ADAR: variants seen among roughly 807,000 people sequenced by gnomAD.
ADAR encodes adenosine deaminase RNA specific.
ADAR carries 41 observed loss-of-function variants against 113.2 expected under a neutral mutation model. The ratio of observed to expected loss-of-function variants is 0.36; its 90% confidence interval spans 0.28 to 0.47. The LOEUF (loss-of-function observed/expected upper bound fraction) is 0.47. ADAR is among the 20% of genes least tolerant of loss of function. The pLI, the probability that ADAR is intolerant of heterozygous loss-of-function variation, is 1.00. For missense variants in ADAR, 1,242 were observed against 1,540.9 expected (o/e 0.81, Z 3.25); for synonymous variants, 605 against 572.6 (o/e 1.06, Z -0.81).
At chr1:154,609,553 TCCACGGC>T (rs1162072800), upstream of ADAR, among the ~76,000 whole-genome samples, 7 of 152,286 alleles carry the variant, frequency 4.6e-5, no homozygotes, top group African/African-American at 1.7e-4. Context: ...ATGCACCTCC[TCCACGGC>T]TTCCCGTGAA....
At chr1:154,626,204 A>G (rs1698933528) in intron 1 of ADAR, among the ~76,000 whole-genome samples, 2 of 134,542 alleles carry the variant, frequency 1.5e-5, no homozygotes, top group South Asian at 4.9e-4. Flanking sequence ...AACCTCCACC[A>G]CCTGGGTTTG....
rs398122892 is a variant in ADAR, at chr1:154,589,456, C to T, written c.2675G>A (p.Arg892His). ...GVVVSLGTGNRCVKGDSLSLK... is the reference protein window; with the variant it reads ...GVVVSLGTGNHCVKGDSLSLK... ...GCTGAGAGAATCTCCTTTCACACAG[C>T]GATTCCCTAGGAAGGTGTTTAAAAC... Residue 892 changes from arginine (R) to histidine (H), a missense_variant, in exon 9 of 15, where the codon CGC (arginine) becomes CAC (histidine). This residue lies in a region of ADAR where 780 missense variants were observed against 1,057.9 expected (regional missense o/e 0.74). Transcript: ENST00000368474. The T allele has an allele frequency of 2.5e-6, 4 of 1,612,092 alleles. No homozygotes were observed. Among genetic ancestry groups the T allele is most frequent in the African/African-American group, 1.3e-5 (1 of 74,944 alleles).
At position 154,585,745 on chromosome 1, in the gene ADAR, T is replaced by C; in HGVS notation, c.3315+8A>G. ...AATGTCAGGGAAAATAGAAGGGGGT[T>C]ATAGCACCTTGGGGTGGTTGACAAT... On this transcript the variant is annotated splice_region_variant and intron_variant, in intron 13 of 14. Coordinates refer to ENST00000368474, the MANE Select transcript of ADAR (RefSeq NM_001111.5). 1 of 1,606,822 alleles carries C rather than the reference T, an allele frequency of 6.2e-7. No individual in the cohort carries two copies. Among genetic ancestry groups the C allele is most frequent in the Non-Finnish European group, 8.5e-7 (1 of 1,173,388 alleles).
rs1225331098 is a variant in ADAR at position 154,583,316 on chromosome 1, C to A, written c.*1490G>T. The A allele has an allele frequency of 2.6e-5, 4 of 152,194 alleles. No individual in the cohort carries two copies. The highest frequency in any genetic ancestry group is 2.0e-4 in the Admixed American group (3 of 15,274). The allele number at this position is 152,194 out of a possible 1,614,324, so 9.4% of individuals were successfully genotyped here. ...CCCTGCTCTGCTCTTGGAGTCATGA[C>A]CAACACTCTAAAAGCCAACAAAGTC... is the stretch of plus-strand genomic sequence containing the variant. On this transcript the variant is annotated 3_prime_UTR_variant, in exon 15 of 15. Transcript: ENST00000368474.
intron 9 of ADAR, 132 bp from the exon 10 acceptor site, chr1:154,588,805 G>A: frequency 7.6e-7 from 1 of 1,311,400 alleles, no homozygotes; most frequent in Non-Finnish European, 1.1e-6. Flanking sequence ...TTATCAGGTG[G>A]AAATTCTCCA....
chr1:154,585,489 G>A, intron 13 of ADAR, 145 bp from the exon 14 acceptor site: 1 of 1,176,026 alleles, frequency 8.5e-7, no homozygotes, highest in South Asian at 1.3e-5. Context: ...CTAAGACTGA[G>A]CACCCTCTAG....
intron 6 of ADAR, among the ~76,000 whole-genome samples, chr1:154,596,328 C>T (rs1028274214): frequency 1.3e-4 from 18 of 143,690 alleles, no homozygotes; most frequent in Middle Eastern, 3.5e-3. Context: ...CTGCAACCTC[C>T]GCCTCCCAGC....
chr1:154,594,647 C>T (rs538851046), intron 6 of ADAR, among the ~76,000 whole-genome samples: 12 of 152,308 alleles, frequency 7.9e-5, no homozygotes, highest in Non-Finnish European at 1.6e-4. Context: ...TAATGTGTGA[C>T]CAGCTGCATG....
chr1:154,594,312 T>C (rs1181221175), intron 6 of ADAR, among the ~76,000 whole-genome samples: 1 of 152,184 alleles, frequency 6.6e-6, no homozygotes, highest in African/African-American at 2.4e-5. Flanking sequence ...GTTAAGAGTG[T>C]ACAATAAAAG....
At position 154,602,371 on chromosome 1, in the gene ADAR, T is replaced by C; in HGVS notation, c.271A>G (p.Arg91Gly). ...SSTRGRQVDI[R>G]GVPRGVHLRS... ...AGATGCACGCCCCTGGGGACACCCC[T>C]GATGTCCACTTGCCTGCCTCTGGTA... The change falls in exon 2 of 15, where the codon AGG (arginine) becomes GGG (glycine). Residue 91 changes from arginine to glycine, a missense_variant. Arg to Gly is a moderately radical substitution (Grantham distance 125). This residue lies in a region of ADAR where 462 missense variants were observed against 483.1 expected (regional missense o/e 0.96). Coordinates refer to ENST00000368474, the MANE Select transcript of ADAR (RefSeq NM_001111.5). The C allele has an allele frequency of 6.2e-7, 1 of 1,603,886 alleles. No individual in the cohort carries two copies. Among genetic ancestry groups the C allele is most frequent in the Non-Finnish European group, 8.5e-7 (1 of 1,174,174 alleles).
At chr1:154,625,414 T>G (rs1430865247) in intron 1 of ADAR, among the ~76,000 whole-genome samples, 1 of 152,250 alleles carries the variant, frequency 6.6e-6, no homozygotes, top group African/African-American at 2.4e-5. Context: ...GTTCCAGCTT[T>G]GCCGTTAATT....
intron 8 of ADAR, 64 bp downstream of exon 8, chr1:154,589,693 G>A (rs1391697604): frequency 5.0e-6 from 8 of 1,595,296 alleles, no homozygotes; most frequent in Admixed American, 1.7e-5. Flanking sequence ...GGACTCCAGG[G>A]GAGGATGAGA....
At chr1:154,596,712 G>C in intron 6 of ADAR, 93 bp downstream of exon 6, 1 of 1,474,612 alleles carries the variant, frequency 6.8e-7, no homozygotes, top group Non-Finnish European at 9.4e-7. Context: ...CGCCCCTTCT[G>C]TCCTACACAG....
chr1:154,605,282 C>T (rs1217475039), intron 1 of ADAR, among the ~76,000 whole-genome samples: 1 of 152,206 alleles, frequency 6.6e-6, no homozygotes, highest in Non-Finnish European at 1.5e-5. Context: ...CCTATCACAA[C>T]TCTGACCCTT....
At chr1:154,610,138 A>G (rs961777892), upstream of ADAR, among the ~76,000 whole-genome samples, 1 of 152,184 alleles carries the variant, frequency 6.6e-6, no homozygotes, top group Admixed American at 6.5e-5. Context: ...CATTCACCAG[A>G]CAGACAGCAT....
intron 6 of ADAR, 109 bp from the exon 7 acceptor site, chr1:154,590,518 G>A (rs768426410): frequency 1.8e-5 from 19 of 1,035,698 alleles, no homozygotes; most frequent in East Asian, 7.3e-5. Context: ...ATATGGACCC[G>A]TCAAACAGAA....
chr1:154,589,478 A>G lies in ADAR; in HGVS notation c.2669-16T>C, dbSNP rs1379331288. 2.5e-6 allele frequency: 4 copies of G among 1,596,822 alleles called. No individual in the cohort carries two copies. Among genetic ancestry groups the G allele is most frequent in the East Asian group, 2.2e-5 (1 of 44,770 alleles). On this transcript the variant is annotated splice_polypyrimidine_tract_variant and intron_variant, in intron 8 of 14. Transcript: ENST00000368474. ...CAGCGATTCCCTAGGAAGGTGTTTA[A>G]AACAGAAATAGAATAATGGAAGGAA...
At chr1:154,600,792 A>C in intron 2 of ADAR, 1 of 580,152 alleles carries the variant, frequency 1.7e-6, no homozygotes, top group African/African-American at 1.9e-5. Context: ...ATTTCTAAAG[A>C]AGCTTCATTA....
In ADAR at chr1:154,597,317, AG is replaced by A. The variant is rs1697569060; in HGVS notation, c.1935-51del. The A allele has an allele frequency of 5.0e-6, 8 of 1,606,594 alleles. No individual in the cohort carries two copies. The East Asian group carries it at 1.8e-4, about 36-fold the overall frequency. Reference sequence around the variant, plus strand: ...AGGATTAAAATGGTTTTGACTGAGGAGCCTGACCTAGCCTCTGCCAGGCTGC... The same window carrying A: ...AGGATTAAAATGGTTTTGACTGAGGACCTGACCTAGCCTCTGCCAGGCTGC... On this transcript the variant is annotated intron_variant, in intron 4 of 14. Coordinates refer to ENST00000368474, the MANE Select transcript of ADAR (RefSeq NM_001111.5).
Sources: allele counts gnomAD v4.1 joint callset (sites outside exome capture counted in the v4.1 genomes callset), GRCh38; gene constraint gnomAD v4.1.1; regional missense constraint gnomAD v4.1.1; transcripts MANE v1.5; gene names NCBI Gene and HGNC (gene_info 2026-07-23, HGNC 2026-07-21).